LOC400499: variants seen among roughly 807,000 people sequenced by gnomAD.
chr16:11,397,757 T>G, the LOC400499 span, among the ~76,000 whole-genome samples: 4,250 of 15,906 alleles, frequency 0.27, 266 homozygotes, highest in Middle Eastern at 0.38. Context: ...GAGGGAGGGA[T>G]GGAGGGAGGG....
chr16:11,424,611 C>T, the LOC400499 span, among the ~76,000 whole-genome samples: 1 of 152,236 alleles, frequency 6.6e-6, no homozygotes, highest in South Asian at 2.1e-4. Context: ...GGTGATAAGA[C>T]CCATGTCCCT....
the LOC400499 span, among the ~76,000 whole-genome samples, chr16:11,452,000 T>C: frequency 2.6e-5 from 4 of 152,156 alleles, no homozygotes; most frequent in East Asian, 7.7e-4. Context: ...GTTGCTTGAT[T>C]GACAGGGAAA....
chr16:11,491,988 C>T, the LOC400499 span: 1 of 394,452 alleles, frequency 2.5e-6, no homozygotes, highest in Non-Finnish European at 4.5e-6. Flanking sequence ...CCCCGACACA[C>T]ACTCACCTGT....
chr16:11,427,217 G>C, the LOC400499 span, among the ~76,000 whole-genome samples: 3 of 151,464 alleles, frequency 2.0e-5, no homozygotes, highest in Non-Finnish European at 4.4e-5. Context: ...AAAAAAATTA[G>C]CCAGACATGG....
the LOC400499 span, chr16:11,412,889 G>C: frequency 2.5e-6 from 1 of 399,018 alleles, no homozygotes; most frequent in Non-Finnish European, 4.4e-6. Flanking sequence ...GGTGGCCTGA[G>C]AATCGCAGGT....
chr16:11,385,709 G>A, the LOC400499 span, among the ~76,000 whole-genome samples: 1 of 152,232 alleles, frequency 6.6e-6, no homozygotes, highest in Non-Finnish European at 1.5e-5. Context: ...ATGCCACAGG[G>A]TCTATGCTTC....
the LOC400499 span, among the ~76,000 whole-genome samples, chr16:11,419,481 TA>T: frequency 0.15 from 22,823 of 151,526 alleles, 2,276 homozygotes; most frequent in African/African-American, 0.29. Flanking sequence ...ACGTTAGACC[TA>T]AAAACCATAA....
At chr16:11,464,509 T>G in the LOC400499 span, among the ~76,000 whole-genome samples, 1 of 152,234 alleles carries the variant, frequency 6.6e-6, no homozygotes, top group South Asian at 2.1e-4. Flanking sequence ...CCCTGCACAC[T>G]AGCAGGAGGG....
At chr16:11,463,097 G>C in the LOC400499 span, among the ~76,000 whole-genome samples, 1 of 152,212 alleles carries the variant, frequency 6.6e-6, no homozygotes, top group Non-Finnish European at 1.5e-5. Flanking sequence ...TTCTCTGCTG[G>C]TCAGTGGTGC....
the LOC400499 span, among the ~76,000 whole-genome samples, chr16:11,458,776 C>A: frequency 1.3e-5 from 2 of 151,934 alleles, no homozygotes; most frequent in African/African-American, 4.8e-5. Flanking sequence ...TGGCTCATGC[C>A]TGTAACCCAG....
chr16:11,443,645 C>G, the LOC400499 span, among the ~76,000 whole-genome samples: 2 of 152,006 alleles, frequency 1.3e-5, no homozygotes, highest in African/African-American at 4.8e-5. Flanking sequence ...CATTTTACAA[C>G]GCTACATTGT....
At chr16:11,515,716 A>AAAGAGGAGGAAAAGGGAGG in the LOC400499 span, among the ~76,000 whole-genome samples, 1 of 87,094 alleles carries the variant, frequency 1.1e-5, no homozygotes, top group Non-Finnish European at 2.5e-5. Flanking sequence ...AGGGAGGAGG[A>AAAGAGGAGGAAAAGGGAGG]AGGAGGAGGA....
the LOC400499 span, among the ~76,000 whole-genome samples, chr16:11,393,160 C>A: frequency 7.2e-6 from 1 of 139,104 alleles, no homozygotes; most frequent in Non-Finnish European, 1.6e-5. Flanking sequence ...GGCCACCCCC[C>A]CCCCTTTTTT....
chr16:11,383,114 A>G, the LOC400499 span, among the ~76,000 whole-genome samples: 5 of 150,736 alleles, frequency 3.3e-5, no homozygotes, highest in Admixed American at 6.6e-5. Flanking sequence ...TGCCCAGGCT[A>G]GAGTGCAGTG....
the LOC400499 span, among the ~76,000 whole-genome samples, chr16:11,491,473 C>A: frequency 1.3e-5 from 2 of 152,084 alleles, no homozygotes; most frequent in Non-Finnish European, 2.9e-5. Flanking sequence ...GCAACTTCTC[C>A]AAAGTCATCC....
At chr16:11,488,938 A>C in the LOC400499 span, 1 of 397,868 alleles carries the variant, frequency 2.5e-6, no homozygotes, top group Non-Finnish European at 4.4e-6. Context: ...GTCCAGAGAA[A>C]AGACCCTCCC....
the LOC400499 span, among the ~76,000 whole-genome samples, chr16:11,484,437 T>G: frequency 1.3e-5 from 2 of 152,196 alleles, no homozygotes; most frequent in Non-Finnish European, 2.9e-5. Context: ...ACCTTAACCA[T>G]GTACTAGTGT....
At chr16:11,445,745 T>A in the LOC400499 span, among the ~76,000 whole-genome samples, 1 of 152,042 alleles carries the variant, frequency 6.6e-6, no homozygotes, top group African/African-American at 2.4e-5. Context: ...GTGGCAGGGT[T>A]GTGCTGGCCT....
chr16:11,476,325 C>T, the LOC400499 span, among the ~76,000 whole-genome samples: 1 of 152,022 alleles, frequency 6.6e-6, no homozygotes, highest in African/African-American at 2.4e-5. Flanking sequence ...CCTTAGGGGT[C>T]ACAGACAAGC....
Sources: gnomAD v4.1 joint callset for allele counts (sites outside exome capture counted in the v4.1 genomes callset) on GRCh38, gnomAD v4.1.1 for gene constraint, MANE v1.5 for transcripts.